MCPH1: variants seen among roughly 807,000 people sequenced by gnomAD.
MCPH1 encodes the protein microcephalin.
MCPH1 carries 104 observed loss-of-function variants against 84.5 expected under a neutral mutation model. That is an observed-to-expected ratio of 1.23 (90% CI 1.05 to 1.45). The LOEUF (loss-of-function observed/expected upper bound fraction) is 1.45, where lower values mean the gene tolerates loss of function less well. MCPH1 is among the 40% of genes most tolerant of loss of function. The pLI is 0.00. For missense variants in MCPH1, 1,498 were observed against 1,005.7 expected (o/e 1.49, Z -6.62); for synonymous variants, 514 against 366.8 (o/e 1.40, Z -4.58).
At chr8:6,447,166 C>G (rs767804794) in intron 8 of MCPH1, 3 of 985,406 alleles carry the variant, frequency 3.0e-6, no homozygotes, top group Non-Finnish European at 3.6e-6. Flanking sequence ...CTAAATCGAA[C>G]CCTTTTATAG....
rs114908594 is a variant in MCPH1, at chr8:6,552,434, G to A, written c.2214+52505G>A. Among the ~76,000 whole-genome samples the A allele has an allele frequency of 6.8e-3, 1,037 of 152,274 alleles. 14 individuals carry two copies. The highest frequency in any genetic ancestry group is 0.024 in the African/African-American group (988 of 41,548). On this transcript the variant is annotated intron_variant, in intron 12 of 13. Transcript: ENST00000344683. ...ACTTACGATGGTCCTTTTCATTGTC[G>A]AAAAGGAATTCATTATCTTTCGAGT...
At chr8:6,593,561 C>A (rs1828686263) in intron 12 of MCPH1, among the ~76,000 whole-genome samples, 1 of 150,384 alleles carries the variant, frequency 6.6e-6, no homozygotes, top group Non-Finnish European at 1.5e-5. Context: ...ATTATGTTGT[C>A]CAGGCTAGTC....
chr8:6,421,191 T>A (rs1369616651), intron 3 of MCPH1, among the ~76,000 whole-genome samples: 2 of 152,176 alleles, frequency 1.3e-5, no homozygotes, highest in Admixed American at 6.5e-5. Context: ...GCCCGGGAAA[T>A]GGCCTCTCCC....
chr8:6,527,366 G>C (rs994025469), intron 12 of MCPH1, among the ~76,000 whole-genome samples: 1 of 152,252 alleles, frequency 6.6e-6, no homozygotes, highest in Non-Finnish European at 1.5e-5. Flanking sequence ...ATCCAGGACT[G>C]TGTTAGGAGA....
chr8:6,633,896 A>G (rs1797345518), intron 13 of MCPH1, among the ~76,000 whole-genome samples: 1 of 152,148 alleles, frequency 6.6e-6, no homozygotes, highest in South Asian at 2.1e-4. Context: ...GAAAAAGAGG[A>G]ATAATTTATG....
chr8:6,429,520 G>C (rs1482614879), intron 3 of MCPH1, among the ~76,000 whole-genome samples: 2 of 151,872 alleles, frequency 1.3e-5, no homozygotes, highest in East Asian at 1.9e-4. Context: ...TGCCAGGCTT[G>C]GGTTTCCCTT....
chr8:6,572,409 C>A (rs987895374), intron 12 of MCPH1, among the ~76,000 whole-genome samples: 1 of 152,306 alleles, frequency 6.6e-6, no homozygotes, highest in South Asian at 2.1e-4. Context: ...CTAGCTCCCT[C>A]TGCTGATCTC....
At position 6,543,597 on chromosome 8, in the gene MCPH1, G is replaced by A. The variant is rs532757228; in HGVS notation, c.2214+43668G>A. On this transcript the variant is annotated intron_variant, in intron 12 of 13. Coordinates refer to ENST00000344683, the MANE Select transcript of MCPH1 (RefSeq NM_024596.5). ...CAGGGGATTTTCAGAAAAGAAATGT[G>A]TTCTTTCCTCTTTGATTTTTGTGTT... is the stretch of plus-strand genomic sequence containing the variant. 6.7e-4 allele frequency among the ~76,000 whole-genome samples: 102 copies of A among 152,270 alleles called. 1 individual carries two copies. In the South Asian group the frequency reaches 0.02, roughly 30 times the overall value.
chr8:6,472,371 C>T lies in MCPH1; in HGVS notation c.1936-5223C>T, dbSNP rs148907253. 4.9e-3 allele frequency among the ~76,000 whole-genome samples: 747 copies of T among 152,300 alleles called. 6 individuals are homozygous for T. The highest frequency in any genetic ancestry group is 0.017 in the African/African-American group (704 of 41,550). ...ATCAATAGTAACACATCAAATGGAT[C>T]TCCTAATTATTTCAAGCATCTGTTT... On this transcript the variant is annotated intron_variant, in intron 9 of 13. Coordinates refer to ENST00000344683, the MANE Select transcript of MCPH1 (RefSeq NM_024596.5).
In MCPH1 at chr8:6,505,931, C is replaced by CAT. The variant is rs377518214; in HGVS notation, c.2214+6004_2214+6005dup. Among the ~76,000 whole-genome samples, 12 of 50,182 alleles carry CAT rather than the reference C, an allele frequency of 2.4e-4. 2 individuals are homozygous for CAT. Among genetic ancestry groups the CAT allele is most frequent in the African/African-American group, 4.9e-4 (6 of 12,140 alleles). 32.9% of individuals were successfully genotyped at this position (50,182 alleles called of 152,430 possible). ...TTCTTTATATATGTATATATAAAAA[C>CAT]ATACATATTCTTTATATATGTATAT... On this transcript the variant is annotated intron_variant, in intron 12 of 13. Coordinates refer to ENST00000344683, the MANE Select transcript of MCPH1 (RefSeq NM_024596.5).
At chr8:6,500,734 C>G (rs1037121395) in intron 12 of MCPH1, 1 of 152,146 alleles carries the variant, frequency 6.6e-6, no homozygotes, top group Admixed American at 6.5e-5. Flanking sequence ...AAAAGCTCCT[C>G]TCAGCAAAAC....
intron 12 of MCPH1, among the ~76,000 whole-genome samples, chr8:6,555,465 C>CTTTTTT (rs530250678): frequency 2.1e-5 from 3 of 142,636 alleles, no homozygotes; most frequent in African/African-American, 7.8e-5. Context: ...GTGGTTTGCC[C>CTTTTTT]TTTTTTTTTT....
rs140600632 is a variant in MCPH1, at chr8:6,584,650, G to A, written c.2215-36804G>A. 1.1e-3 allele frequency among the ~76,000 whole-genome samples: 165 copies of A among 152,260 alleles called. 1 individual carries two copies. Among genetic ancestry groups the A allele is most frequent in the Middle Eastern group, 3.4e-3 (1 of 294 alleles). On this transcript the variant is annotated intron_variant, in intron 12 of 13. Coordinates refer to ENST00000344683, the MANE Select transcript of MCPH1 (RefSeq NM_024596.5). ...AAGTATTTCTCAGTGTTCGCTACAC[G>A]TCACTTAATCTTTTCCAAAATTTGA...
intron 12 of MCPH1, among the ~76,000 whole-genome samples, chr8:6,513,230 A>T (rs1815531503): frequency 6.6e-6 from 1 of 152,230 alleles, no homozygotes. Flanking sequence ...AACCCAGAGA[A>T]ACTTAAAGAA....
intron 11 of MCPH1, among the ~76,000 whole-genome samples, chr8:6,495,091 C>T (rs1002081969): frequency 3.3e-5 from 5 of 152,050 alleles, no homozygotes; most frequent in Non-Finnish European, 5.9e-5. Flanking sequence ...GAAATTTTGC[C>T]AGTTCAAGCT....
At chr8:6,441,276 C>G (rs185217721) in intron 6 of MCPH1, among the ~76,000 whole-genome samples, 2 of 152,194 alleles carry the variant, frequency 1.3e-5, no homozygotes, top group African/African-American at 2.4e-5. Context: ...ACTAATTTGC[C>G]TTAAACTTTA....
At chr8:6,503,257 C>G in intron 12 of MCPH1, 1 of 1,614,082 alleles carries the variant, frequency 6.2e-7, no homozygotes, top group Non-Finnish European at 8.5e-7. Flanking sequence ...CATCAAACCA[C>G]CAGCCTGTGA....
chr8:6,505,307 A>G lies in MCPH1; in HGVS notation c.2214+5378A>G, dbSNP rs1262469095. ...ATATGTTATATACATATATATGTATATAACATATATATGTTATATACATAT... is the reference window on the plus strand; with the variant it reads ...ATATGTTATATACATATATATGTATGTAACATATATATGTTATATACATAT... On this transcript the variant is annotated intron_variant, in intron 12 of 13. Coordinates refer to ENST00000344683, the MANE Select transcript of MCPH1 (RefSeq NM_024596.5). Among the ~76,000 whole-genome samples the G allele has an allele frequency of 1.1e-4, 5 of 45,572 alleles. 1 individual carries two copies. The highest frequency in any genetic ancestry group is 6.2e-4 in the East Asian group (1 of 1,620). 29.9% of individuals were successfully genotyped at this position (45,572 alleles called of 152,430 possible). A position where few individuals can be genotyped will look rare whatever the true frequency, so the allele number is the denominator to read the frequency against.
intron 13 of MCPH1, chr8:6,624,850 C>A (rs1056282050): frequency 1.0e-6 from 1 of 984,778 alleles, no homozygotes; most frequent in Non-Finnish European, 1.2e-6. Flanking sequence ...TTTGCTTATT[C>A]TCTAACCAGA....
Sources: gnomAD v4.1 joint callset for allele counts (sites outside exome capture counted in the v4.1 genomes callset) on GRCh38, gnomAD v4.1.1 for gene constraint, MANE v1.5 for transcripts, NCBI Gene and HGNC (gene_info 2026-07-23, HGNC 2026-07-21) for gene names.